The following ZNF141 variants were observed in gnomAD, a reference collection of about 807,000 sequenced individuals.
The protein encoded by ZNF141 is zinc finger protein 141 (clone pHZ-44).
Under a neutral mutation model 11.3 loss-of-function variants are expected in ZNF141, and 7 were observed. That is an observed-to-expected ratio of 0.62 (90% CI 0.35 to 1.16). ZNF141 has a LOEUF of 1.16. ZNF141 is among the 50% of genes most tolerant of loss of function. The probability of loss-of-function intolerance (pLI) is 0.02; values close to 1 mark genes in which losing one functional copy is unlikely to be tolerated. For missense variants in ZNF141, 535 were observed against 554.0 expected (o/e 0.97, Z 0.34); for synonymous variants, 183 against 190.7 (o/e 0.96, Z 0.33).
In ZNF141 at chr4:382,969, G is replaced by C. The variant is rs1162765930; in HGVS notation, c.*9107G>C. 2.0e-6 allele frequency: 1 copy of C among 496,594 alleles called. No homozygotes were observed. Among genetic ancestry groups the C allele is most frequent in the Admixed American group, 3.8e-5 (1 of 26,258 alleles). 30.8% of individuals were successfully genotyped at this position (496,594 alleles called of 1,614,324 possible). A position where few individuals can be genotyped will look rare whatever the true frequency, so the allele number is the denominator to read the frequency against. On this transcript the variant is annotated 3_prime_UTR_variant, in exon 4 of 4. Coordinates refer to ENST00000240499, the MANE Select transcript of ZNF141 (RefSeq NM_003441.4). Reference sequence around the variant, plus strand: ...GTCCTTGGAAATGGCTTTTATAGTCGTTCCTATCAAGAGACAGATTCTGTT... The same window carrying C: ...GTCCTTGGAAATGGCTTTTATAGTCCTTCCTATCAAGAGACAGATTCTGTT...
Position 375,393 on chromosome 4 carries a change from A to G in ZNF141, c.*1531A>G, listed in dbSNP as rs1553854427. On this transcript the variant is annotated 3_prime_UTR_variant, in exon 4 of 4. Transcript: ENST00000240499. ...ATTGGAGAGAAATCCTACAAATGTA[A>G]TAAATGTGGAAAAACATTTGTTCAA... The G allele has an allele frequency of 6.6e-6, 1 of 152,120 alleles. No homozygotes were observed. The highest frequency in any genetic ancestry group is 1.5e-5 in the Non-Finnish European group (1 of 67,950). 9.4% of individuals were successfully genotyped at this position (152,120 alleles called of 1,614,324 possible).
In ZNF141 at chr4:374,862, G is replaced by C. The variant is rs1434274267; in HGVS notation, c.*1000G>C. 1 of 152,442 alleles carries C rather than the reference G, an allele frequency of 6.6e-6. No homozygotes were observed. Among genetic ancestry groups the C allele is most frequent in the African/African-American group, 2.4e-5 (1 of 41,412 alleles). The allele number at this position is 152,442 out of a possible 1,614,324, so 9.4% of individuals were successfully genotyped here. A position where few individuals can be genotyped will look rare whatever the true frequency, so the allele number is the denominator to read the frequency against. ...ACACTGAAGAGAAACTGCAAACGTG[G>C]AAAGTGTGACAAAGCTTGCAACCAC... On this transcript the variant is annotated 3_prime_UTR_variant, in exon 4 of 4. Transcript: ENST00000240499.
chr4:367,085 G>T (rs1711779840), intron 3 of ZNF141, among the ~76,000 whole-genome samples: 1 of 152,176 alleles, frequency 6.6e-6, no homozygotes. Context: ...CTATATGACA[G>T]ATTAATAGCT....
In ZNF141 at chr4:372,877, G is replaced by A; in HGVS notation, c.440G>A (p.Cys147Tyr). The A allele has an allele frequency of 3.1e-6, 5 of 1,613,372 alleles. No homozygotes were observed. The highest frequency in any genetic ancestry group is 4.2e-6 in the Non-Finnish European group (5 of 1,179,470). ...LSTTQSKILQ[C>Y]KASVKVVSKF... is the part of the protein sequence containing the mutation. ...ACTACCCAGAGCAAAATACTTCAGT[G>A]TAAAGCAAGTGTCAAAGTTGTTAGT... Residue 147 changes from cysteine (C) to tyrosine (Y), a missense_variant, in exon 4 of 4, where the codon TGT (cysteine) becomes TAT (tyrosine). Coordinates refer to ENST00000240499, the MANE Select transcript of ZNF141 (RefSeq NM_003441.4).
Position 369,760 on chromosome 4 carries a change from A to T in ZNF141, c.227-2904A>T, listed in dbSNP as rs1391783126. Among the ~76,000 whole-genome samples, 296 of 34,004 alleles carry T rather than the reference A, an allele frequency of 8.7e-3. 5 individuals are homozygous for T. Among genetic ancestry groups the T allele is most frequent in the African/African-American group, 0.045 (224 of 4,934 alleles). 22.3% of individuals were successfully genotyped at this position (34,004 alleles called of 152,430 possible). ...GAGATATATATATATATATATATATATATATTTTTTTTTTTTTTTTTTTTG... is the reference window on the plus strand; with the variant it reads ...GAGATATATATATATATATATATATTTATATTTTTTTTTTTTTTTTTTTTG... On this transcript the variant is annotated intron_variant, in intron 3 of 3. Coordinates refer to ENST00000240499, the MANE Select transcript of ZNF141 (RefSeq NM_003441.4).
intron 3 of ZNF141, among the ~76,000 whole-genome samples, chr4:356,037 C>G (rs1553851163): frequency 6.6e-6 from 1 of 152,052 alleles, no homozygotes; most frequent in East Asian, 2.0e-4. Context: ...TGAGACCAGC[C>G]TGGCCAAGAT....
chr4:362,022 C>A (rs1553852251), intron 3 of ZNF141, among the ~76,000 whole-genome samples: 2 of 152,246 alleles, frequency 1.3e-5, no homozygotes. Context: ...TATTTCTCCA[C>A]ATCCTCTCCA....
Position 382,386 on chromosome 4 carries a change from C to A in ZNF141, c.*8524C>A, listed in dbSNP as rs1258051965. ...TTGCACTGGGAAAAAATAGCAGCAG[C>A]CCTATTGCTATGTCACTTGCCTGCA... On this transcript the variant is annotated 3_prime_UTR_variant, in exon 4 of 4. Coordinates refer to ENST00000240499, the MANE Select transcript of ZNF141 (RefSeq NM_003441.4). 6.6e-6 allele frequency among the ~76,000 whole-genome samples: 1 copy of A among 152,104 alleles called. No individual in the cohort carries two copies. The highest frequency in any genetic ancestry group is 1.5e-5 in the Non-Finnish European group (1 of 68,038).
intron 3 of ZNF141, among the ~76,000 whole-genome samples, chr4:356,579 T>C (rs140217448): frequency 8.5e-4 from 129 of 152,248 alleles, no homozygotes; most frequent in Middle Eastern, 3.4e-3. Context: ...CCCAAAGTGC[T>C]GGAATTAGAG....
chr4:367,021 A>G (rs1308307331), intron 3 of ZNF141, among the ~76,000 whole-genome samples: 1 of 152,236 alleles, frequency 6.6e-6, no homozygotes, highest in Non-Finnish European at 1.5e-5. Context: ...TTTGTGATTT[A>G]AGAAACTCAA....
rs1203609542 is a variant in ZNF141 at position 375,931 on chromosome 4, G to A, written c.*2069G>A. Among the ~76,000 whole-genome samples, 13 of 151,980 alleles carry A rather than the reference G, an allele frequency of 8.6e-5. No homozygotes were observed. Among genetic ancestry groups the A allele is most frequent in the African/African-American group, 3.1e-4 (13 of 41,444 alleles). On this transcript the variant is annotated 3_prime_UTR_variant, in exon 4 of 4. Transcript: ENST00000240499. The stretch of plus-strand genomic sequence containing the variant: ...GCTTTTTTGTAGTTGACAATATTGA[G>A]TGATGCATGAGGTAGGTGTTCAGAG...
At chr4:371,481 C>T (rs531279747) in intron 3 of ZNF141, among the ~76,000 whole-genome samples, 26 of 152,072 alleles carry the variant, frequency 1.7e-4, no homozygotes, top group African/African-American at 6.3e-4. Flanking sequence ...CTGCCCTCCT[C>T]GGCCTCCCAA....
intron 2 of ZNF141, 75 bp downstream of exon 2, chr4:343,983 G>T: frequency 9.7e-6 from 15 of 1,540,780 alleles, no homozygotes; most frequent in Non-Finnish European, 1.3e-5. Flanking sequence ...ATTTCTCCTG[G>T]GAACTTTTAT....
rs1553853774 is a variant in ZNF141, at chr4:372,845, C to T, written c.408C>T (p.Cys136=). ...QKGGYNEFNE[C]LSTTQSKILQ... is the part of the protein sequence containing the mutation. ...GAGGTTATAATGAATTTAATGAATG[C>T]TTGTCAACTACCCAGAGCAAAATAC... The change falls in exon 4 of 4, where the codon TGC becomes TGT. Residue 136 remains cysteine (C), a synonymous_variant. Coordinates refer to ENST00000240499, the MANE Select transcript of ZNF141 (RefSeq NM_003441.4). The T allele has an allele frequency of 1.2e-6, 2 of 1,612,702 alleles. No homozygotes were observed. Among genetic ancestry groups the T allele is most frequent in the Admixed American group, 1.7e-5 (1 of 59,896 alleles).
chr4:352,938 G>T (rs559670566), intron 3 of ZNF141, among the ~76,000 whole-genome samples: 1 of 152,158 alleles, frequency 6.6e-6, no homozygotes, highest in East Asian at 1.9e-4. Flanking sequence ...CATGTGCAGC[G>T]GAAGCAGTGT....
rs782203338 is a variant in ZNF141 at position 373,888 on chromosome 4, G to A, written c.*26G>A. The A allele has an allele frequency of 4.7e-5, 73 of 1,566,888 alleles. No individual in the cohort carries two copies. The highest frequency in any genetic ancestry group is 5.3e-5 in the Non-Finnish European group (61 of 1,150,320). ...GAGAAATCCTACAAATGTAAAGAATGTGGCAAACCTTTGGATGATCCACAA... is the reference window on the plus strand; with the variant it reads ...GAGAAATCCTACAAATGTAAAGAATATGGCAAACCTTTGGATGATCCACAA... On this transcript the variant is annotated 3_prime_UTR_variant, in exon 4 of 4. Transcript: ENST00000240499.
rs782445194 is a variant in ZNF141, at chr4:372,795, TTGAA to T, written c.362_365del (p.Asn121SerfsTer65). 2 of 1,613,834 alleles carry T rather than the reference TTGAA, an allele frequency of 1.2e-6. No individual in the cohort carries two copies. The highest frequency in any genetic ancestry group is 1.7e-6 in the Non-Finnish European group (2 of 1,179,932). ...ACAATTAAGAAAAGGCTGTAAAAGT[TTGAA>T]TGAGTGTAAGTTGCAGAAAGGAGGT... is the stretch of plus-strand genomic sequence containing the variant. On this transcript the variant is annotated frameshift_variant, in exon 4 of 4. Transcript: ENST00000240499. LOFTEE classifies it low-confidence loss of function (END_TRUNC).
intron 3 of ZNF141, among the ~76,000 whole-genome samples, chr4:367,517 A>ATC (rs1207193828): frequency 3.2e-4 from 44 of 139,338 alleles, no homozygotes; most frequent in African/African-American, 1.0e-3. Context: ...AAACTTTACA[A>ATC]TCTTTTTTTT....
intron 3 of ZNF141, among the ~76,000 whole-genome samples, chr4:352,639 G>A (rs782141133): frequency 2.0e-5 from 3 of 152,096 alleles, no homozygotes; most frequent in African/African-American, 2.4e-5. Context: ...TGCAATAAGC[G>A]TTTCTTGCGG....
Sources: gnomAD v4.1 joint callset for allele counts (sites outside exome capture counted in the v4.1 genomes callset) on GRCh38, gnomAD v4.1.1 for gene constraint, MANE v1.5 for transcripts, NCBI Gene and HGNC (gene_info 2026-07-23, HGNC 2026-07-21) for gene names.